The following UVRAG variants were observed in gnomAD, a reference collection of about 807,000 sequenced individuals.
UVRAG encodes UV radiation resistance-associated gene protein.
UVRAG carries 19 observed loss-of-function variants against 78.0 expected under a neutral mutation model. That is an observed-to-expected ratio of 0.24 (90% CI 0.17 to 0.36). The LOEUF (loss-of-function observed/expected upper bound fraction) is 0.36. UVRAG is among the 10% of genes least tolerant of loss of function. UVRAG has a pLI of 1.00. For missense variants in UVRAG, 740 were observed against 853.8 expected (o/e 0.87, Z 1.66); for synonymous variants, 323 against 324.6 (o/e 1.00, Z 0.05).
At chr11:75,994,979 T>G (rs1334165629) in intron 8 of UVRAG, among the ~76,000 whole-genome samples, 2 of 152,200 alleles carry the variant, frequency 1.3e-5, no homozygotes, top group African/African-American at 2.4e-5. Context: ...GCTTATTTCC[T>G]CTGCATAAAC....
chr11:76,128,825 GT>G (rs1952461841), intron 14 of UVRAG, among the ~76,000 whole-genome samples: 1 of 152,002 alleles, frequency 6.6e-6, no homozygotes, highest in Non-Finnish European at 1.5e-5. Flanking sequence ...AATTCCCTGT[GT>G]TTTGTTTTGT....
intron 14 of UVRAG, among the ~76,000 whole-genome samples, chr11:76,124,679 G>GT (rs1186183113): frequency 6.6e-6 from 1 of 152,228 alleles, no homozygotes; most frequent in African/African-American, 2.4e-5. Flanking sequence ...GTTGGGAGAA[G>GT]TAACTAGTGG....
intron 7 of UVRAG, among the ~76,000 whole-genome samples, chr11:75,977,776 A>T (rs1949278531): frequency 6.6e-6 from 1 of 152,054 alleles, no homozygotes; most frequent in Non-Finnish European, 1.5e-5. Flanking sequence ...TCTGCACGTG[A>T]GATGGGTTTC....
At chr11:75,866,889 C>T (rs1946551570) in intron 3 of UVRAG, among the ~76,000 whole-genome samples, 1 of 152,242 alleles carries the variant, frequency 6.6e-6, no homozygotes, top group East Asian at 1.9e-4. Flanking sequence ...AACATAAGGC[C>T]TGAGCAATAG....
chr11:76,054,941 T>G (rs1015886947), intron 12 of UVRAG, among the ~76,000 whole-genome samples: 7 of 152,258 alleles, frequency 4.6e-5, no homozygotes, highest in Non-Finnish European at 8.8e-5. Context: ...ATAAAGTAAG[T>G]AAATCATTTA....
intron 12 of UVRAG, among the ~76,000 whole-genome samples, chr11:76,059,901 G>A (rs1285148154): frequency 6.6e-6 from 1 of 152,188 alleles, no homozygotes; most frequent in East Asian, 1.9e-4. Flanking sequence ...AATACGAATG[G>A]CAGAAGTAAT....
At chr11:75,897,378 G>T (rs1051786660) in intron 5 of UVRAG, among the ~76,000 whole-genome samples, 1 of 152,078 alleles carries the variant, frequency 6.6e-6, no homozygotes, top group East Asian at 1.9e-4. Flanking sequence ...GGATAACACC[G>T]CAGGGAATAT....
intron 13 of UVRAG, among the ~76,000 whole-genome samples, chr11:76,095,546 C>A (rs967122699): frequency 6.7e-5 from 10 of 149,674 alleles, no homozygotes; most frequent in Non-Finnish European, 1.5e-4. Context: ...TCTTATATAT[C>A]ATATATTCAT....
rs1259489327 is a variant in UVRAG at position 76,090,753 on chromosome 11, T to C, written c.1305+24965T>C. On this transcript the variant is annotated intron_variant, in intron 13 of 14. Coordinates refer to ENST00000356136, the MANE Select transcript of UVRAG (RefSeq NM_003369.4). ...AGTGTGCTTATAACTAATTTCATCC[T>C]AAATTCTCTACCAGTTATCTAATCA... Among the ~76,000 whole-genome samples the C allele has an allele frequency of 2.6e-5, 4 of 152,222 alleles. No homozygotes were observed. The East Asian group carries it at 7.7e-4, about 29-fold the overall frequency.
chr11:76,117,747 A>G (rs1025985069), intron 14 of UVRAG, among the ~76,000 whole-genome samples: 1 of 152,176 alleles, frequency 6.6e-6, no homozygotes, highest in Admixed American at 6.5e-5. Context: ...TTTCTTCAGG[A>G]GCCCAGATAG....
intron 13 of UVRAG, among the ~76,000 whole-genome samples, chr11:76,095,017 G>C (rs899882896): frequency 6.6e-6 from 1 of 152,068 alleles, no homozygotes; most frequent in Non-Finnish European, 1.5e-5. Context: ...GAAGGTTTTG[G>C]CACTTAGTAT....
At chr11:76,110,491 A>G (rs1315425000) in intron 13 of UVRAG, among the ~76,000 whole-genome samples, 3 of 152,104 alleles carry the variant, frequency 2.0e-5, no homozygotes, top group Non-Finnish European at 4.4e-5. Context: ...GATGCCTCTC[A>G]TTTCTTCCTA....
At chr11:76,079,286 C>A (rs1951456785) in intron 13 of UVRAG, among the ~76,000 whole-genome samples, 1 of 152,078 alleles carries the variant, frequency 6.6e-6, no homozygotes, top group Non-Finnish European at 1.5e-5. Flanking sequence ...GAGTTCGAGA[C>A]CAGCCTGGGC....
At position 75,888,903 on chromosome 11, in the gene UVRAG, G is replaced by A. The variant is rs775316812; in HGVS notation, c.507G>A (p.Lys169=). 1.2e-6 allele frequency: 2 copies of A among 1,611,928 alleles called. No individual in the cohort carries two copies. The highest frequency in any genetic ancestry group is 1.7e-5 in the Admixed American group (1 of 59,674). The change falls in exon 5 of 15, where the codon AAG becomes AAA. Residue 169 remains lysine, a splice_region_variant and synonymous_variant. Transcript: ENST00000356136. ...ACTATGGTGCTCCATTTGAACATAA[G>A]GTAAGAAGATCCTTCTAATGTTATG... is the stretch of plus-strand genomic sequence containing the variant. The part of the protein sequence containing the change: ...DGYYGAPFEH[K]GYSNAQKTIL...
At chr11:76,138,735 G>A (rs908752800) in intron 14 of UVRAG, among the ~76,000 whole-genome samples, 3 of 152,216 alleles carry the variant, frequency 2.0e-5, no homozygotes, top group Non-Finnish European at 4.4e-5. Flanking sequence ...CAGTGTTCCG[G>A]GCTGTTTCAC....
At chr11:75,948,144 G>C (rs1406278036) in intron 6 of UVRAG, among the ~76,000 whole-genome samples, 4 of 152,096 alleles carry the variant, frequency 2.6e-5, no homozygotes, top group Non-Finnish European at 5.9e-5. Context: ...CTAGTACATG[G>C]TGGTTTTTTT....
rs146342170 is a variant in UVRAG at position 76,100,007 on chromosome 11, C to A, written c.1306-15917C>A. On this transcript the variant is annotated intron_variant, in intron 13 of 14. Coordinates refer to ENST00000356136, the MANE Select transcript of UVRAG (RefSeq NM_003369.4). ...CTCTGTCTTATGCTGTGATTTTTGA[C>A]TTGTGACCATTATACTTGAAATGGA... is the stretch of plus-strand genomic sequence containing the variant. Among the ~76,000 whole-genome samples, 728 of 152,072 alleles carry A rather than the reference C, an allele frequency of 4.8e-3. 9 individuals are homozygous for A. The highest frequency in any genetic ancestry group is 0.017 in the African/African-American group (698 of 41,490).
At chr11:75,993,846 G>A (rs958564367) in intron 8 of UVRAG, among the ~76,000 whole-genome samples, 2 of 152,162 alleles carry the variant, frequency 1.3e-5, no homozygotes, top group African/African-American at 4.8e-5. Flanking sequence ...GCCTCAGGAA[G>A]CTTTCGGTCA....
At chr11:76,037,997 AT>A (rs1007804667) in intron 12 of UVRAG, among the ~76,000 whole-genome samples, 208 of 150,510 alleles carry the variant, frequency 1.4e-3, no homozygotes, top group African/African-American at 4.3e-3. Flanking sequence ...AAAAATACAG[AT>A]TTTTTTTTTA....
Sources: gnomAD v4.1 joint callset for allele counts (sites outside exome capture counted in the v4.1 genomes callset) on GRCh38, gnomAD v4.1.1 for gene constraint, MANE v1.5 for transcripts, NCBI Gene and HGNC (gene_info 2026-07-23, HGNC 2026-07-21) for gene names.